The following STK4 variants were observed in gnomAD, a reference collection of about 807,000 sequenced individuals.
STK4 encodes serine/threonine kinase 4.
A neutral mutation model predicts 64.9 loss-of-function variants in STK4; 30 were observed. The ratio of observed to expected loss-of-function variants is 0.46; its 90% confidence interval spans 0.35 to 0.63. The LOEUF (loss-of-function observed/expected upper bound fraction) is 0.63, where lower values mean the gene tolerates loss of function less well. Ranked by LOEUF, STK4 falls within the 20% of genes least tolerant of loss-of-function variation. The pLI is 0.01. For synonymous variants in STK4, 177 were observed against 199.0 expected (o/e 0.89, Z 0.93); for missense variants, 466 against 598.5 (o/e 0.78, Z 2.31).
rs981279336 is a variant in STK4, at chr20:44,966,577, G to C, written c.9G>C (p.Thr3=). 2.4e-6 allele frequency: 3 copies of C among 1,268,114 alleles called. No individual in the cohort carries two copies. In the African/African-American group the frequency reaches 4.6e-5, roughly 20 times the overall value. The allele number at this position is 1,268,114 out of a possible 1,614,324, so 78.6% of individuals were successfully genotyped here. A position where few individuals can be genotyped will look rare whatever the true frequency, so the allele number is the denominator to read the frequency against. Residue 3 remains threonine (T), a synonymous_variant, in exon 1 of 11, where the codon ACG becomes ACC. Coordinates refer to ENST00000372806, the MANE Select transcript of STK4 (RefSeq NM_006282.5). ME[T]VQLRNPPRRQ... is the part of the protein sequence containing the mutation. ...CGGCTGCTGGCAGCGCCATGGAGAC[G>C]GTACAGCTGAGGAACCCGCCGCGCC...
chr20:44,980,308 C>A (rs1237794651), intron 3 of STK4, among the ~76,000 whole-genome samples: 1 of 152,138 alleles, frequency 6.6e-6, no homozygotes, highest in Non-Finnish European at 1.5e-5. Flanking sequence ...TTGTCACTGG[C>A]ATGTTTCCTA....
intron 10 of STK4, among the ~76,000 whole-genome samples, chr20:45,047,609 T>C (rs2068716633): frequency 6.6e-6 from 1 of 152,244 alleles, no homozygotes; most frequent in Non-Finnish European, 1.5e-5. Context: ...TTAATTGGAC[T>C]ATAATTTCAT....
intron 10 of STK4, among the ~76,000 whole-genome samples, chr20:45,057,670 C>T (rs1978604534): frequency 6.6e-6 from 1 of 152,102 alleles, no homozygotes; most frequent in Admixed American, 6.5e-5. Context: ...TTATAGAAAA[C>T]ATTTAGGAAG....
chr20:44,998,427 G>A (rs1753216465), intron 7 of STK4, among the ~76,000 whole-genome samples: 1 of 152,156 alleles, frequency 6.6e-6, no homozygotes, highest in Non-Finnish European at 1.5e-5. Context: ...CACATGTATT[G>A]AAGACAGTAT....
At chr20:45,012,599 G>A (rs1014892965) in intron 9 of STK4, among the ~76,000 whole-genome samples, 9 of 151,898 alleles carry the variant, frequency 5.9e-5, no homozygotes, top group African/African-American at 1.9e-4. Context: ...ATTACAAATG[G>A]CATAGTTTAA....
intron 9 of STK4, among the ~76,000 whole-genome samples, chr20:45,013,336 T>A (rs1414547818): frequency 1.3e-5 from 2 of 152,178 alleles, no homozygotes; most frequent in Admixed American, 6.5e-5. Flanking sequence ...TGTCTTTTTT[T>A]AATTTGAATA....
chr20:45,066,165 A>G (rs989921427), intron 10 of STK4, among the ~76,000 whole-genome samples: 2 of 145,524 alleles, frequency 1.4e-5, no homozygotes, highest in African/African-American at 2.6e-5. Flanking sequence ...ACATATGTAT[A>G]TACACATTAT....
intron 10 of STK4, among the ~76,000 whole-genome samples, chr20:45,049,238 TC>T (rs2145434585): frequency 6.6e-6 from 1 of 152,280 alleles, no homozygotes; most frequent in Non-Finnish European, 1.5e-5. Flanking sequence ...ACTAGTCACT[TC>T]CATTTGCCCT....
chr20:45,007,085 G>A (rs1391113103), intron 9 of STK4, among the ~76,000 whole-genome samples: 2 of 152,044 alleles, frequency 1.3e-5, no homozygotes, highest in African/African-American at 2.4e-5. Context: ...TTGAGTTTCT[G>A]TTTGTTTATA....
chr20:45,011,163 G>A (rs2068037990), intron 9 of STK4, among the ~76,000 whole-genome samples: 1 of 151,974 alleles, frequency 6.6e-6, no homozygotes, highest in Admixed American at 6.6e-5. Context: ...TTTGAATAAG[G>A]GCTCTAGAAT....
In STK4 at chr20:45,076,868, A is replaced by T. The variant is rs1980555670; in HGVS notation, c.*1692A>T. The T allele has an allele frequency of 1.3e-5, 2 of 152,202 alleles. No homozygotes were observed. Among genetic ancestry groups the T allele is most frequent in the African/African-American group, 4.8e-5 (2 of 41,444 alleles). The allele number at this position is 152,202 out of a possible 1,614,324, so 9.4% of individuals were successfully genotyped here. A position where few individuals can be genotyped will look rare whatever the true frequency, so the allele number is the denominator to read the frequency against. On this transcript the variant is annotated 3_prime_UTR_variant, in exon 11 of 11. Coordinates refer to ENST00000372806, the MANE Select transcript of STK4 (RefSeq NM_006282.5). This position sits in a 1 kb window ranked among gnomAD's most constrained non-coding sequence, Gnocchi z 4.0. ...TTATTTGCAATTAAAGCAAGTTTTT[A>T]AAAAATGCAAGAGGCAGTTGTTAGT...
At chr20:45,000,121 G>A (rs2067808981) in intron 7 of STK4, among the ~76,000 whole-genome samples, 1 of 152,184 alleles carries the variant, frequency 6.6e-6, no homozygotes, top group Non-Finnish European at 1.5e-5. Flanking sequence ...TCCTCCAGGA[G>A]ATGATACTCC....
chr20:45,020,620 G>A (rs943592083), intron 9 of STK4, among the ~76,000 whole-genome samples: 3 of 152,138 alleles, frequency 2.0e-5, no homozygotes, highest in Admixed American at 2.0e-4. Flanking sequence ...TAAGTTGGCA[G>A]TTAGGTTGGA....
chr20:44,982,024 T>C, intron 4 of STK4, 81 bp downstream of exon 4: 1 of 910,102 alleles, frequency 1.1e-6, no homozygotes, highest in Non-Finnish European at 1.8e-6. Context: ...CAGGGCATTC[T>C]CCTACTAGAG....
chr20:44,966,709 C>A, intron 1 of STK4, 106 bp downstream of exon 1: 1 of 1,201,648 alleles, frequency 8.3e-7, no homozygotes, highest in Non-Finnish European at 1.1e-6. Context: ...CTAAGCGACC[C>A]AGCCGATGGG....
intron 10 of STK4, among the ~76,000 whole-genome samples, chr20:45,028,132 G>A (rs555449085): frequency 6.6e-5 from 10 of 152,232 alleles, no homozygotes; most frequent in African/African-American, 2.2e-4. Flanking sequence ...GCCCAGCAGT[G>A]GGATTGCTGG....
intron 4 of STK4, among the ~76,000 whole-genome samples, chr20:44,986,501 G>A (rs970475649): frequency 4.6e-5 from 7 of 151,908 alleles, no homozygotes; most frequent in Non-Finnish European, 7.3e-5. Context: ...TAAAGCCTTG[G>A]TAAGGACTGA....
At chr20:44,986,750 C>G (rs2067537111) in intron 4 of STK4, among the ~76,000 whole-genome samples, 1 of 152,134 alleles carries the variant, frequency 6.6e-6, no homozygotes, top group Admixed American at 6.5e-5. Context: ...AGGATGACTT[C>G]AAGGTTTTTG....
chr20:45,011,729 ATT>A (rs869113711), intron 9 of STK4, among the ~76,000 whole-genome samples: 1,596 of 115,270 alleles, frequency 0.014, 53 homozygotes, highest in African/African-American at 0.052. Context: ...ATATATATAT[ATT>A]TTTTTTTTTT....
Sources: allele counts gnomAD v4.1 joint callset (sites outside exome capture counted in the v4.1 genomes callset), GRCh38; gene constraint gnomAD v4.1.1; non-coding constraint Gnocchi (gnomAD v3.1); transcripts MANE v1.5; gene names NCBI Gene and HGNC (gene_info 2026-07-23, HGNC 2026-07-21).